The following HEG1 variants were observed in gnomAD, a reference collection of about 807,000 sequenced individuals.
HEG1 encodes protein HEG homolog 1.
In HEG1, 56 loss-of-function variants were observed where a neutral mutation model predicts 125.6. The observed-to-expected ratio is 0.45, with a 90% CI of 0.36 to 0.56. The LOEUF (loss-of-function observed/expected upper bound fraction) is 0.56, where lower values mean the gene tolerates loss of function less well. Among genes scored for constraint, HEG1 ranks in the 20% least tolerant of loss-of-function variants. The pLI is 0.00. For synonymous variants in HEG1, 644 were observed against 668.5 expected (o/e 0.96, Z 0.57); for missense variants, 1,523 against 1,670.0 (o/e 0.91, Z 1.53).
At chr3:125,021,517 A>C (rs1937335859) in intron 3 of HEG1, among the ~76,000 whole-genome samples, 1 of 152,240 alleles carries the variant, frequency 6.6e-6, no homozygotes, top group African/African-American at 2.4e-5. Flanking sequence ...TTAGCAATGT[A>C]ACCTTTTTGT....
At chr3:125,041,159 C>A (rs1381641076) in intron 1 of HEG1, among the ~76,000 whole-genome samples, 3 of 152,182 alleles carry the variant, frequency 2.0e-5, no homozygotes, top group Non-Finnish European at 1.5e-5. Context: ...TCTTGCTAAA[C>A]TGATTTCCGG....
intron 1 of HEG1, among the ~76,000 whole-genome samples, chr3:125,036,145 G>A (rs1235002475): frequency 2.1e-5 from 3 of 146,308 alleles, no homozygotes; most frequent in African/African-American, 7.8e-5. Context: ...AGGAGGTCAA[G>A]GCTGCAGTGA....
intron 1 of HEG1, among the ~76,000 whole-genome samples, chr3:125,048,877 G>A (rs536788073): frequency 2.0e-5 from 3 of 152,282 alleles, no homozygotes; most frequent in East Asian, 1.9e-4. Context: ...AAAGAATCAC[G>A]GTAGTGGGTG....
intron 11 of HEG1, 37 bp from the exon 12 acceptor site, chr3:124,997,860 A>C: frequency 6.5e-7 from 1 of 1,528,472 alleles, no homozygotes; most frequent in Non-Finnish European, 8.8e-7. Context: ...ACAAAACAAA[A>C]CCTTCTCCAC....
At chr3:125,046,110 G>A (rs963501679) in intron 1 of HEG1, among the ~76,000 whole-genome samples, 1 of 152,014 alleles carries the variant, frequency 6.6e-6, no homozygotes, top group African/African-American at 2.4e-5. Context: ...AAAGCAGAAG[G>A]GGTTAAGCAC....
chr3:125,043,443 A>C (rs1181069143), intron 1 of HEG1, among the ~76,000 whole-genome samples: 1 of 151,754 alleles, frequency 6.6e-6, no homozygotes, highest in Admixed American at 6.5e-5. Flanking sequence ...CAAGGCCTTG[A>C]GGAAAAGTCC....
At chr3:125,006,055 A>G (rs926375601) in intron 8 of HEG1, among the ~76,000 whole-genome samples, 49 of 152,150 alleles carry the variant, frequency 3.2e-4, no homozygotes, top group African/African-American at 1.2e-3. Flanking sequence ...TCCATCTTCA[A>G]AGCTCTCCTT....
chr3:125,007,464 T>G (rs1290723147), intron 8 of HEG1, among the ~76,000 whole-genome samples: 1 of 152,228 alleles, frequency 6.6e-6, no homozygotes, highest in Non-Finnish European at 1.5e-5. Flanking sequence ...CTATGTTATC[T>G]AAATGATTTT....
At chr3:125,033,234 A>G (rs974600221) in intron 1 of HEG1, among the ~76,000 whole-genome samples, 5 of 152,218 alleles carry the variant, frequency 3.3e-5, no homozygotes, top group African/African-American at 7.2e-5. Context: ...ATGAACCATG[A>G]CTAGGAATCC....
intron 1 of HEG1, among the ~76,000 whole-genome samples, chr3:125,043,196 T>A (rs1232133484): frequency 6.6e-6 from 1 of 152,218 alleles, no homozygotes; most frequent in African/African-American, 2.4e-5. Context: ...TCGGCTCTTG[T>A]TCAGCTGAGC....
At chr3:125,019,151 A>G (rs1185506192) in intron 5 of HEG1, 111 bp downstream of exon 5, 4 of 884,408 alleles carry the variant, frequency 4.5e-6, no homozygotes, top group Non-Finnish European at 7.0e-6. Flanking sequence ...TACAGGCGTG[A>G]GCCACCACGC....
intron 6 of HEG1, among the ~76,000 whole-genome samples, chr3:125,012,305 G>A (rs917946133): frequency 6.6e-6 from 1 of 152,080 alleles, no homozygotes; most frequent in East Asian, 1.9e-4. Flanking sequence ...AGGAGTTAAC[G>A]GCATGCTTGA....
chr3:124,997,898 A>G, intron 11 of HEG1, 75 bp from the exon 12 acceptor site: 1 of 1,438,230 alleles, frequency 7.0e-7, no homozygotes, highest in Non-Finnish European at 9.3e-7. Flanking sequence ...CCTCCACTTC[A>G]AAGCTCATGT....
chr3:125,017,365 C>T (rs1235328041), intron 5 of HEG1, among the ~76,000 whole-genome samples: 2 of 152,150 alleles, frequency 1.3e-5, no homozygotes, highest in Non-Finnish European at 2.9e-5. Flanking sequence ...ATAAAGAACT[C>T]TTACAATTTA....
At chr3:124,971,025 G>A in intron 16 of HEG1, 1 of 613,040 alleles carries the variant, frequency 1.6e-6, no homozygotes, top group East Asian at 3.2e-5. Flanking sequence ...GGCAACTGAT[G>A]CAAACGGAGG....
intron 1 of HEG1, among the ~76,000 whole-genome samples, chr3:125,053,733 C>G (rs1937867032): frequency 6.6e-6 from 1 of 152,158 alleles, no homozygotes; most frequent in South Asian, 2.1e-4. Context: ...CTGGGAAAGC[C>G]ACAAAACCAA....
chr3:125,049,545 G>A (rs2107714778), intron 1 of HEG1, among the ~76,000 whole-genome samples: 1 of 152,288 alleles, frequency 6.6e-6, no homozygotes, highest in African/African-American at 2.4e-5. Flanking sequence ...TACTTCCAAG[G>A]GGACATGCAG....
chr3:124,996,449 A>C (rs1401673418), intron 12 of HEG1, among the ~76,000 whole-genome samples: 1 of 152,168 alleles, frequency 6.6e-6, no homozygotes, highest in East Asian at 1.9e-4. Context: ...GGCATGAGGA[A>C]GCATCATCTC....
intron 12 of HEG1, among the ~76,000 whole-genome samples, chr3:124,994,367 C>G (rs1375168916): frequency 6.6e-6 from 1 of 152,218 alleles, no homozygotes. Flanking sequence ...CAGAGGTATT[C>G]TGACCACAGA....
Sources: allele counts gnomAD v4.1 joint callset (sites outside exome capture counted in the v4.1 genomes callset), GRCh38; gene constraint gnomAD v4.1.1; transcripts MANE v1.5; gene names NCBI Gene and HGNC (gene_info 2026-07-23, HGNC 2026-07-21).